Variants in PCCA observed in about 807,000 individuals in gnomAD.
PCCA encodes propionyl-CoA carboxylase alpha chain, mitochondrial.
Under a neutral mutation model 101.3 loss-of-function variants are expected in PCCA, and 74 were observed. That is an observed-to-expected ratio of 0.73 (90% CI 0.61 to 0.89). PCCA has a LOEUF of 0.89. Ranked by LOEUF, PCCA falls within the 40% of genes least tolerant of loss-of-function variation. The pLI, the probability that PCCA is intolerant of heterozygous loss-of-function variation, is 0.00. For missense variants in PCCA, 891 were observed against 907.0 expected (o/e 0.98, Z 0.23); for synonymous variants, 294 against 313.6 (o/e 0.94, Z 0.66).
chr13:100,196,284 T>C (rs1339742916), intron 6 of PCCA, among the ~76,000 whole-genome samples: 2 of 152,198 alleles, frequency 1.3e-5, no homozygotes, highest in Non-Finnish European at 2.9e-5. Flanking sequence ...TTTGACTTAA[T>C]GTTTGCTAAA....
intron 18 of PCCA, among the ~76,000 whole-genome samples, chr13:100,345,248 A>G (rs900558222): frequency 6.6e-6 from 1 of 152,240 alleles, no homozygotes; most frequent in Admixed American, 6.5e-5. Context: ...TCTTGTGCCA[A>G]ATGGTTAGCC....
intron 12 of PCCA, among the ~76,000 whole-genome samples, chr13:100,278,856 G>A (rs1450126547): frequency 6.6e-6 from 1 of 152,006 alleles, no homozygotes; most frequent in Non-Finnish European, 1.5e-5. Flanking sequence ...GTATTGGATA[G>A]CTTGCTAGGA....
intron 21 of PCCA, among the ~76,000 whole-genome samples, chr13:100,455,145 G>GA (rs1314007466): frequency 6.6e-6 from 1 of 152,104 alleles, no homozygotes; most frequent in Non-Finnish European, 1.5e-5. Flanking sequence ...AACTGCTAAT[G>GA]AAAAAAAGTA....
chr13:100,475,985 C>A (rs2083392710), intron 21 of PCCA, among the ~76,000 whole-genome samples: 1 of 152,136 alleles, frequency 6.6e-6, no homozygotes. Flanking sequence ...CCAAAAGCAA[C>A]AAAGCACATA....
At chr13:100,435,405 G>A (rs905472638) in intron 20 of PCCA, among the ~76,000 whole-genome samples, 1 of 152,190 alleles carries the variant, frequency 6.6e-6, no homozygotes, top group Non-Finnish European at 1.5e-5. Flanking sequence ...ATTTGGAGCG[G>A]ACACATCCAA....
intron 6 of PCCA, among the ~76,000 whole-genome samples, chr13:100,160,262 G>A (rs960281220): frequency 6.6e-6 from 1 of 152,108 alleles, no homozygotes; most frequent in Non-Finnish European, 1.5e-5. Flanking sequence ...CTGCACTTTG[G>A]GAGGCTGAGG....
At chr13:100,188,076 C>T (rs759545780) in intron 6 of PCCA, among the ~76,000 whole-genome samples, 11 of 152,070 alleles carry the variant, frequency 7.2e-5, no homozygotes, top group South Asian at 4.2e-4. Flanking sequence ...GGGCGGATCA[C>T]GAGGTCAAGA....
intron 1 of PCCA, 91 bp downstream of exon 1, chr13:100,089,316 G>A (rs1355792760): frequency 1.5e-6 from 2 of 1,328,230 alleles, no homozygotes; most frequent in East Asian, 3.0e-5. Flanking sequence ...AGCGCTGGCT[G>A]GGTCCGGCTG....
intron 18 of PCCA, among the ~76,000 whole-genome samples, chr13:100,348,503 A>G (rs979221636): frequency 2.0e-5 from 3 of 152,312 alleles, no homozygotes; most frequent in South Asian, 4.1e-4. Flanking sequence ...ATTAAAAGCT[A>G]GTTATATTAA....
chr13:100,154,534 G>C (rs1042133988), intron 4 of PCCA: 2 of 232,248 alleles, frequency 8.6e-6, no homozygotes, highest in African/African-American at 4.6e-5. Flanking sequence ...GCTGTGCAGG[G>C]ACACTCACTG....
intron 19 of PCCA, among the ~76,000 whole-genome samples, chr13:100,385,534 C>A (rs2076451645): frequency 6.6e-6 from 1 of 152,248 alleles, no homozygotes; most frequent in African/African-American, 2.4e-5. Flanking sequence ...GCCACACACA[C>A]ATTCAAGTGA....
intron 1 of PCCA, among the ~76,000 whole-genome samples, chr13:100,102,209 T>A (rs1050679847): frequency 1.2e-4 from 19 of 152,042 alleles, no homozygotes; most frequent in African/African-American, 4.3e-4. Context: ...GGTGTGATCT[T>A]GGCTCACTGC....
chr13:100,342,872 C>A (rs1415133650), intron 18 of PCCA, among the ~76,000 whole-genome samples: 2 of 151,790 alleles, frequency 1.3e-5, no homozygotes, highest in Admixed American at 6.6e-5. Flanking sequence ...CAGGAACATA[C>A]CACCACGCCT....
At chr13:100,369,546 T>C (rs1401994167) in intron 19 of PCCA, among the ~76,000 whole-genome samples, 1 of 152,202 alleles carries the variant, frequency 6.6e-6, no homozygotes, top group East Asian at 1.9e-4. Context: ...GCTGTTGCCC[T>C]GGAGAAGCTG....
chr13:100,210,734 T>C (rs1008218106), intron 7 of PCCA, among the ~76,000 whole-genome samples: 1 of 152,234 alleles, frequency 6.6e-6, no homozygotes, highest in African/African-American at 2.4e-5. Context: ...CTGCAGGAAC[T>C]CTTCATTTCA....
At chr13:100,118,983 T>TA (rs903219048) in intron 4 of PCCA, among the ~76,000 whole-genome samples, 6 of 152,164 alleles carry the variant, frequency 3.9e-5, no homozygotes, top group African/African-American at 1.2e-4. Context: ...TCTTTTTTTT[T>TA]ATTAAATAAT....
chr13:100,416,510 A>ATCTG (rs2078371901), intron 19 of PCCA, among the ~76,000 whole-genome samples: 1 of 128,670 alleles, frequency 7.8e-6, no homozygotes, highest in South Asian at 2.8e-4. Context: ...TGTTTTAAAT[A>ATCTG]TCTGTGTGTG....
intron 22 of PCCA, among the ~76,000 whole-genome samples, chr13:100,524,989 A>ATAGATAGATAGG (rs2087649202): frequency 9.5e-6 from 1 of 105,280 alleles, no homozygotes; most frequent in Non-Finnish European, 2.2e-5. Flanking sequence ...AGATGGATAG[A>ATAGATAGATAGG]TAGATAGATA....
intron 4 of PCCA, among the ~76,000 whole-genome samples, chr13:100,123,235 A>G (rs2049592419): frequency 6.6e-6 from 1 of 152,078 alleles, no homozygotes; most frequent in African/African-American, 2.4e-5. Flanking sequence ...TTTGTATTTT[A>G]GTAGAGTTGG....
Sources: gnomAD v4.1 joint callset for allele counts (sites outside exome capture counted in the v4.1 genomes callset) on GRCh38, gnomAD v4.1.1 for gene constraint, MANE v1.5 for transcripts, NCBI Gene and HGNC (gene_info 2026-07-23, HGNC 2026-07-21) for gene names.